The following BLTP1 variants were observed in gnomAD, a reference collection of about 807,000 sequenced individuals.
The protein encoded by BLTP1 is fragile site-associated protein.
chr4:122,306,603 T>C, the BLTP1 span: 1 of 980,032 alleles, frequency 1.0e-6, no homozygotes, highest in African/African-American at 1.8e-5. Context: ...AAATGAAATT[T>C]ACTTTTATAT....
chr4:122,167,547 T>C, the BLTP1 span: 1 of 391,568 alleles, frequency 2.6e-6, no homozygotes, highest in Non-Finnish European at 3.5e-6. Context: ...TCTGGTTGCT[T>C]CTCCTGTGCC....
At chr4:122,337,195 T>C in the BLTP1 span, 2 of 599,730 alleles carry the variant, frequency 3.3e-6, no homozygotes, top group East Asian at 2.9e-5. Flanking sequence ...ATGTGTAAAA[T>C]TTTATGTATA....
chr4:122,229,087 G>C, the BLTP1 span: 1 of 1,522,764 alleles, frequency 6.6e-7, no homozygotes, highest in Admixed American at 2.1e-5. Flanking sequence ...AGTTGATGGT[G>C]ATGATTTAGA....
chr4:122,267,076 T>TTTTTTTTTTTTA, the BLTP1 span: 1 of 386,908 alleles, frequency 2.6e-6, no homozygotes, highest in Non-Finnish European at 4.5e-6. Context: ...TTTTTTTTTT[T>TTTTTTTTTTTTA]GAGACGGAGT....
At chr4:122,333,514 G>A in the BLTP1 span, 1 of 1,071,004 alleles carries the variant, frequency 9.3e-7, no homozygotes, top group Non-Finnish European at 1.3e-6. Flanking sequence ...TGAGTTCATT[G>A]TAGATTCTGG....
the BLTP1 span, chr4:122,344,324 C>T: frequency 6.5e-7 from 1 of 1,549,226 alleles, no homozygotes; most frequent in Non-Finnish European, 8.8e-7. Context: ...AACTAGACAG[C>T]TGTGTGTATA....
At chr4:122,207,346 A>T in the BLTP1 span, 1 of 1,397,532 alleles carries the variant, frequency 7.2e-7, no homozygotes, top group Admixed American at 2.2e-5. Flanking sequence ...TTGATTTGAT[A>T]GTTTTAACAG....
the BLTP1 span, chr4:122,173,295 G>T: frequency 1.1e-6 from 1 of 907,090 alleles, no homozygotes; most frequent in Non-Finnish European, 1.7e-6. Flanking sequence ...CTGGAGGCTG[G>T]GAAGTCCCAA....
At chr4:122,247,239 G>A in the BLTP1 span, 18 of 1,613,456 alleles carry the variant, frequency 1.1e-5, no homozygotes, top group Non-Finnish European at 1.5e-5. Context: ...CCACAAAGAT[G>A]CAGCCTCAGT....
the BLTP1 span, among the ~76,000 whole-genome samples, chr4:122,182,118 A>T: frequency 1.3e-5 from 2 of 152,142 alleles, no homozygotes; most frequent in African/African-American, 2.4e-5. Context: ...AAATTATAAT[A>T]TTTCTATTCT....
the BLTP1 span, chr4:122,316,798 A>G: frequency 6.2e-7 from 1 of 1,613,600 alleles, no homozygotes; most frequent in East Asian, 2.2e-5. Context: ...AGGAAGAAAA[A>G]TTATGAAGCG....
the BLTP1 span, among the ~76,000 whole-genome samples, chr4:122,174,039 C>T: frequency 2.6e-5 from 4 of 151,992 alleles, no homozygotes; most frequent in Admixed American, 2.6e-4. Context: ...AGGAAATTTG[C>T]AGGTAAATAG....
At chr4:122,361,374 A>G in the BLTP1 span, among the ~76,000 whole-genome samples, 1 of 152,142 alleles carries the variant, frequency 6.6e-6, no homozygotes, top group African/African-American at 2.4e-5. Flanking sequence ...CAGCAGCTCT[A>G]TGTATGTACT....
At chr4:122,273,561 A>C in the BLTP1 span, 1 of 409,896 alleles carries the variant, frequency 2.4e-6, no homozygotes, top group Non-Finnish European at 3.3e-6. Flanking sequence ...TTATGGTGAG[A>C]ATTAGAGAAA....
At chr4:122,209,186 C>G in the BLTP1 span, 5 of 1,611,008 alleles carry the variant, frequency 3.1e-6, no homozygotes, top group African/African-American at 2.7e-5. Flanking sequence ...TCATTTGTTT[C>G]TACCAGACTG....
chr4:122,287,699 A>C, the BLTP1 span: 11 of 985,258 alleles, frequency 1.1e-5, no homozygotes, highest in Non-Finnish European at 1.3e-5. Context: ...GGACATATTT[A>C]AGTCTGATTT....
chr4:122,155,730 C>T, the BLTP1 span, among the ~76,000 whole-genome samples: 11 of 152,108 alleles, frequency 7.2e-5, no homozygotes, highest in African/African-American at 2.7e-4. Context: ...TTTTGAGGAA[C>T]TTGTATAGAA....
the BLTP1 span, chr4:122,276,910 T>C: frequency 1.0e-6 from 1 of 985,414 alleles, no homozygotes; most frequent in South Asian, 4.7e-5. Context: ...AAAAGTTAAA[T>C]GTGATGAACT....
chr4:122,154,639 C>T, the BLTP1 span, among the ~76,000 whole-genome samples: 7,598 of 152,138 alleles, frequency 0.05, 272 homozygotes, highest in Non-Finnish European at 0.075. Context: ...TTTGGGAGGC[C>T]GAGGCGGGCG....
Sources: gnomAD v4.1 joint callset for allele counts (sites outside exome capture counted in the v4.1 genomes callset) on GRCh38, gnomAD v4.1.1 for gene constraint, MANE v1.5 for transcripts, NCBI Gene and HGNC (gene_info 2026-07-23, HGNC 2026-07-21) for gene names.